The following SAG variants were observed in gnomAD, a reference collection of about 807,000 sequenced individuals.
SAG encodes the protein S-antigen visual arrestin.
In SAG, 45 loss-of-function variants were observed where a neutral mutation model predicts 55.0. The ratio of observed to expected loss-of-function variants is 0.82; its 90% CI spans 0.64 to 1.05. SAG has a LOEUF of 1.05. Ranked by LOEUF, SAG falls within the 50% of genes least tolerant of loss-of-function variation. The pLI is 0.00. For missense variants in SAG, 455 were observed against 512.1 expected (o/e 0.89, Z 1.08); for synonymous variants, 189 against 197.4 (o/e 0.96, Z 0.36).
intron 7 of SAG, chr2:233,328,261 T>C (rs1239657814): frequency 6.4e-6 from 3 of 472,206 alleles, no homozygotes; most frequent in Non-Finnish European, 1.1e-5. Flanking sequence ...CCCCACAGCT[T>C]CCCCCACAGG....
chr2:233,317,162 G>A (rs923518274), intron 3 of SAG, among the ~76,000 whole-genome samples: 4 of 152,184 alleles, frequency 2.6e-5, no homozygotes, highest in African/African-American at 9.7e-5. Flanking sequence ...GCACCCAGCA[G>A]CAGCTTCTTA....
At chr2:233,346,340 A>G in intron 14 of SAG, 63 bp from the exon 15 acceptor site, 1 of 1,565,920 alleles carries the variant, frequency 6.4e-7, no homozygotes, top group Non-Finnish European at 8.8e-7. Flanking sequence ...ATGATATAGA[A>G]TTTAGACTAA....
At chr2:233,325,019 A>G (rs111713415) in intron 6 of SAG, among the ~76,000 whole-genome samples, 448 of 152,276 alleles carry the variant, frequency 2.9e-3, no homozygotes, top group African/African-American at 0.01. Context: ...TGTGGTCACG[A>G]GTTTGAGACC....
rs1400103173 is a variant in SAG, at chr2:233,338,756, A to G, written c.1022+3A>G. 1.2e-6 allele frequency: 2 copies of G among 1,613,316 alleles called. No individual in the cohort carries two copies. The highest frequency in any genetic ancestry group is 1.1e-5 in the South Asian group (1 of 91,064). ...AAGGTGAAGCTCACAGTGTCAGGGTAAGTGTCCCGGCACCAACCCTCGGGC... is the reference window on the plus strand; with the variant it reads ...AAGGTGAAGCTCACAGTGTCAGGGTGAGTGTCCCGGCACCAACCCTCGGGC... On this transcript the variant is annotated splice_donor_region_variant and intron_variant, in intron 12 of 15. Coordinates refer to ENST00000409110, the MANE Select transcript of SAG (RefSeq NM_000541.5).
intron 6 of SAG, among the ~76,000 whole-genome samples, chr2:233,323,589 C>T (rs1700452367): frequency 1.3e-5 from 2 of 152,000 alleles, no homozygotes; most frequent in African/African-American, 4.8e-5. Flanking sequence ...TCTCGAACTC[C>T]CGACCTCAGG....
At chr2:233,345,835 A>T (rs1414857404) in intron 14 of SAG, 1 of 152,954 alleles carries the variant, frequency 6.5e-6, no homozygotes, top group Non-Finnish European at 1.5e-5. Context: ...GCTGTGGCAC[A>T]TTGTAAAGGA....
At chr2:233,312,442 T>A (rs537842023) in intron 2 of SAG, among the ~76,000 whole-genome samples, 1 of 152,318 alleles carries the variant, frequency 6.6e-6, no homozygotes, top group East Asian at 1.9e-4. Context: ...CTGTGAGGAT[T>A]AAGTGAAACC....
At chr2:233,324,006 C>G (rs1345279588) in intron 6 of SAG, among the ~76,000 whole-genome samples, 2 of 152,156 alleles carry the variant, frequency 1.3e-5, no homozygotes, top group African/African-American at 4.8e-5. Context: ...GAAAGCCACA[C>G]TCTCCCAGGG....
At chr2:233,337,528 G>A (rs1243975901) in intron 11 of SAG, among the ~76,000 whole-genome samples, 5 of 152,162 alleles carry the variant, frequency 3.3e-5, no homozygotes, top group East Asian at 1.9e-4. Context: ...TGTGAGCCAC[G>A]ACGTCTGGCT....
intron 2 of SAG, among the ~76,000 whole-genome samples, chr2:233,312,082 C>T (rs1018586043): frequency 6.6e-6 from 1 of 152,114 alleles, no homozygotes; most frequent in African/African-American, 2.4e-5. Context: ...GCCGAGATCG[C>T]GCCATTGCAC....
chr2:233,309,353 T>A (rs1170491803), intron 2 of SAG, 89 bp downstream of exon 2: 8 of 1,222,890 alleles, frequency 6.5e-6, no homozygotes, highest in Non-Finnish European at 9.4e-6. Flanking sequence ...ATGATCAACA[T>A]CAAAACTCTT....
chr2:233,325,422 G>A (rs1434969791), intron 6 of SAG, among the ~76,000 whole-genome samples: 1 of 147,234 alleles, frequency 6.8e-6, no homozygotes, highest in East Asian at 1.9e-4. Flanking sequence ...TGTCACACAT[G>A]GTGAAGCTGA....
chr2:233,325,351 A>G (rs112435732), intron 6 of SAG, among the ~76,000 whole-genome samples: 437 of 101,796 alleles, frequency 4.3e-3, no homozygotes, highest in African/African-American at 0.016. Flanking sequence ...GCAAGACTCC[A>G]TCTAAAAAAA....
intron 2 of SAG, among the ~76,000 whole-genome samples, chr2:233,311,128 A>G (rs1176698425): frequency 6.6e-6 from 1 of 152,082 alleles, no homozygotes; most frequent in Non-Finnish European, 1.5e-5. Context: ...CACAGGTGGG[A>G]AAAGAGAATT....
chr2:233,319,032 T>A lies in SAG; in HGVS notation c.181+237T>A. ...CAAAGTCATTGTCCAGGGTGGCAGATAAGTAGATGGTAGACGGAGCCCAGG... is the reference window on the plus strand; with the variant it reads ...CAAAGTCATTGTCCAGGGTGGCAGAAAAGTAGATGGTAGACGGAGCCCAGG... On this transcript the variant is annotated intron_variant, in intron 4 of 15. Coordinates refer to ENST00000409110, the MANE Select transcript of SAG (RefSeq NM_000541.5). This position sits in a 1 kb window ranked among gnomAD's most constrained non-coding sequence, Gnocchi z 4.4. 1.4e-6 allele frequency: 1 copy of A among 698,944 alleles called. No individual in the cohort carries two copies. The highest frequency in any genetic ancestry group is 2.7e-6 in the Non-Finnish European group (1 of 372,394). 43.3% of individuals were successfully genotyped at this position (698,944 alleles called of 1,614,324 possible). A position where few individuals can be genotyped will look rare whatever the true frequency, so the allele number is the denominator to read the frequency against.
intron 5 of SAG, among the ~76,000 whole-genome samples, chr2:233,322,036 C>CACACAT (rs1700398786): frequency 7.9e-6 from 1 of 126,596 alleles, no homozygotes. Flanking sequence ...CACACACACA[C>CACACAT]ATTAGTCAGG....
At chr2:233,346,546 C>T (rs1285985595) in intron 15 of SAG, 134 bp downstream of exon 15, 1 of 966,330 alleles carries the variant, frequency 1.0e-6, no homozygotes, top group Non-Finnish European at 1.7e-6. Context: ...TCCGCTACTT[C>T]CCGTCTGCTC....
Position 233,346,399 on chromosome 2 carries a change from A to G in SAG, c.1103-4A>G, listed in dbSNP as rs1163720887. 1 of 1,613,730 alleles carries G rather than the reference A, an allele frequency of 6.2e-7. No homozygotes were observed. The highest frequency in any genetic ancestry group is 1.7e-5 in the Admixed American group (1 of 60,028). ...CCTGCCTCCCTTTTATTCCATGCTT[A>G]CAGCTAAGGAAAGGTGAGTGAGCCT... On this transcript the variant is annotated splice_region_variant and splice_polypyrimidine_tract_variant and intron_variant, in intron 14 of 15. Coordinates refer to ENST00000409110, the MANE Select transcript of SAG (RefSeq NM_000541.5).
chr2:233,346,845 G>A lies in SAG; in HGVS notation c.1151G>A (p.Arg384His), dbSNP rs772372884. ...AATTTAGTTTTTGAGGAGTTTGCTC[G>A]CCATAATCTGAAAGATGCAGGAGAA... is the stretch of plus-strand genomic sequence containing the variant. The part of the protein sequence containing the change: ...DANLVFEEFA[R>H]HNLKDAGEAE... The change falls in exon 16 of 16, where the codon CGC becomes CAC. Residue 384 changes from arginine to histidine, a missense_variant. Transcript: ENST00000409110. 5.9e-5 allele frequency: 95 copies of A among 1,612,582 alleles called. No individual in the cohort carries two copies. Among genetic ancestry groups the A allele is most frequent in the Non-Finnish European group, 7.5e-5 (88 of 1,179,148 alleles).
Sources: gnomAD v4.1 joint callset for allele counts (sites outside exome capture counted in the v4.1 genomes callset) on GRCh38, gnomAD v4.1.1 for gene constraint, Gnocchi (gnomAD v3.1) non-coding constraint, MANE v1.5 for transcripts, NCBI Gene and HGNC (gene_info 2026-07-23, HGNC 2026-07-21) for gene names.